The following EPAS1 variants were observed in gnomAD, a reference collection of about 807,000 sequenced individuals.
The protein encoded by EPAS1 is endothelial PAS domain protein 1.
Under a neutral mutation model 87.9 loss-of-function variants are expected in EPAS1, and 23 were observed. That is an observed-to-expected ratio of 0.26 (90% confidence interval 0.19 to 0.37). The LOEUF (loss-of-function observed/expected upper bound fraction) is 0.37. Ranked by LOEUF, EPAS1 falls within the 10% of genes least tolerant of loss-of-function variation. The pLI, the probability that EPAS1 is intolerant of heterozygous loss-of-function variation, is 1.00. For missense variants in EPAS1, 1,138 were observed against 1,120.7 expected (o/e 1.02, Z -0.22); for synonymous variants, 508 against 444.3 (o/e 1.14, Z -1.80).
rs1335834171 is a variant in EPAS1 at position 46,382,827 on chromosome 2, A to AT, written c.2461+229_2461+230insT. 6.6e-5 allele frequency among the ~76,000 whole-genome samples: 10 copies of AT among 151,660 alleles called. No homozygotes were observed. In the South Asian group the frequency reaches 1.7e-3, roughly 25 times the overall value. On this transcript the variant is annotated intron_variant, in intron 15 of 15. Transcript: ENST00000263734. ...GGTGGGTCTGAGACACAGCTAAAAA[A>AT]CTCAAACTCAGGCTAGAATACTGAA...
Position 46,377,805 on chromosome 2 carries a change from G to T in EPAS1, c.1250-89G>T, listed in dbSNP as rs371750783. 4.5e-6 allele frequency: 7 copies of T among 1,550,488 alleles called. No individual in the cohort carries two copies. The South Asian group carries it at 8.4e-5, about 19-fold the overall frequency. On this transcript the variant is annotated intron_variant, in intron 9 of 15. Coordinates refer to ENST00000263734, the MANE Select transcript of EPAS1 (RefSeq NM_001430.5). ...CAGGCATGCCTTCCAGACCCTCTTAGGGCCTTCTCTGCGGTTTTTGGGCCT... is the reference window on the plus strand; with the variant it reads ...CAGGCATGCCTTCCAGACCCTCTTATGGCCTTCTCTGCGGTTTTTGGGCCT...
At chr2:46,368,359 G>A (rs1684548750) in intron 6 of EPAS1, among the ~76,000 whole-genome samples, 1 of 152,164 alleles carries the variant, frequency 6.6e-6, no homozygotes, top group Admixed American at 6.5e-5. Flanking sequence ...ATAGGGAACT[G>A]AGGGGAGAGG....
At chr2:46,356,876 G>T in intron 4 of EPAS1, 68 bp downstream of exon 4, 1 of 1,147,860 alleles carries the variant, frequency 8.7e-7, no homozygotes, top group South Asian at 1.2e-5. Context: ...CTTTGTCTAC[G>T]GGTATAAGGG....
chr2:46,326,642 T>A lies in EPAS1; in HGVS notation c.27-20231T>A, dbSNP rs369553078. On this transcript the variant is annotated intron_variant, in intron 1 of 15. Coordinates refer to ENST00000263734, the MANE Select transcript of EPAS1 (RefSeq NM_001430.5). The stretch of plus-strand genomic sequence containing the variant: ...ATACTTCATTTGTACATATTTGGAG[T>A]TCTATTCACTAAGCACCCACTGTAG... 3.5e-4 allele frequency among the ~76,000 whole-genome samples: 54 copies of A among 152,246 alleles called. No individual in the cohort carries two copies. In the East Asian group the frequency reaches 6.4e-3, roughly 18 times the overall value.
chr2:46,340,070 A>G (rs1683880793), intron 1 of EPAS1, among the ~76,000 whole-genome samples: 1 of 152,176 alleles, frequency 6.6e-6, no homozygotes, highest in Admixed American at 6.5e-5. Flanking sequence ...ACAGTTCATT[A>G]TGATTATTCC....
chr2:46,352,066 G>C (rs950098596), intron 2 of EPAS1, among the ~76,000 whole-genome samples: 2 of 152,212 alleles, frequency 1.3e-5, no homozygotes, highest in African/African-American at 4.8e-5. Flanking sequence ...TGCTCCCCAG[G>C]ACGGGCATGC....
rs1231193823 is a variant in EPAS1, at chr2:46,376,773, G to T, written c.1249+20G>T. 3 of 1,611,434 alleles carry T rather than the reference G, an allele frequency of 1.9e-6. No homozygotes were observed. Among genetic ancestry groups the T allele is most frequent in the South Asian group, 2.2e-5 (2 of 90,964 alleles). On this transcript the variant is annotated intron_variant, in intron 9 of 15. Coordinates refer to ENST00000263734, the MANE Select transcript of EPAS1 (RefSeq NM_001430.5). ...ATTTCGGTGGGTGCTTCTTAGCTAA[G>T]CCAGGCCCCTGGAACCCCGTTGGGG...
chr2:46,381,598 C>A lies in EPAS1; in HGVS notation c.2048C>A (p.Ser683Tyr). 6.2e-7 allele frequency: 1 copy of A among 1,613,976 alleles called. No individual in the cohort carries two copies. Among genetic ancestry groups the A allele is most frequent in the Non-Finnish European group, 8.5e-7 (1 of 1,180,040 alleles). Reference sequence around the variant, plus strand: ...GCCTGCTCTCTCGGGCTTGGCAGGTCTGCAAAGGGTTTTGGGGCTCGAGGC... The same window carrying A: ...GCCTGCTCTCTCGGGCTTGGCAGGTATGCAAAGGGTTTTGGGGCTCGAGGC... ...PPHVSTFKTR[S>Y]AKGFGARGPD... The change falls in exon 13 of 16, where the codon TCT becomes TAT. Residue 683 changes from serine (S) to tyrosine (Y), a missense_variant and splice_region_variant. Coordinates refer to ENST00000263734, the MANE Select transcript of EPAS1 (RefSeq NM_001430.5).
intron 1 of EPAS1, among the ~76,000 whole-genome samples, chr2:46,332,623 G>C (rs1451507823): frequency 6.6e-6 from 1 of 152,164 alleles, no homozygotes; most frequent in East Asian, 1.9e-4. Context: ...AGCCCCACTT[G>C]CTGATCTTTA....
chr2:46,322,466 A>G (rs1246733071), intron 1 of EPAS1, among the ~76,000 whole-genome samples: 6 of 152,160 alleles, frequency 3.9e-5, no homozygotes, highest in Non-Finnish European at 8.8e-5. Flanking sequence ...CCTGGGGCTT[A>G]TTAAAACTCA....
At chr2:46,318,996 T>C (rs965142185) in intron 1 of EPAS1, among the ~76,000 whole-genome samples, 3 of 152,214 alleles carry the variant, frequency 2.0e-5, no homozygotes, top group Admixed American at 1.3e-4. Flanking sequence ...AAACAAGCTA[T>C]AACCAGCCCA....
At chr2:46,356,126 C>T (rs1210015187) in intron 2 of EPAS1, 25 bp from the exon 3 acceptor site, 2 of 1,366,138 alleles carry the variant, frequency 1.5e-6, no homozygotes, top group Non-Finnish European at 2.0e-6. Flanking sequence ...TTCATGCAAG[C>T]TGTCCCACCC....
intron 2 of EPAS1, among the ~76,000 whole-genome samples, chr2:46,353,666 G>A (rs529676267): frequency 7.9e-5 from 12 of 152,150 alleles, no homozygotes; most frequent in Admixed American, 1.3e-4. Flanking sequence ...CAGTGGCATC[G>A]CCCACACCTG....
rs557184790 is a variant in EPAS1 at position 46,360,728 on chromosome 2, C to T, written c.545C>T (p.Thr182Ile). The change falls in exon 5 of 16, where the codon ACT becomes ATT. Residue 182 changes from threonine to isoleucine, a missense_variant. Around this residue, in one of 4 missense-constraint regions of EPAS1, gnomAD observed 351 missense variants for 417.1 expected, o/e 0.84. Transcript: ENST00000263734. The surrounding 1 kb of genome is among the most constrained non-coding windows in gnomAD (Gnocchi z 4.5). ...MKCTVTNRGR[T>I]VNLKSATWKV... ...TGCACGGTCACCAACAGAGGCCGTA[C>T]TGTCAACCTCAAGTCAGCCACCTGG... 7.4e-6 allele frequency: 12 copies of T among 1,613,954 alleles called. No homozygotes were observed. The highest frequency in any genetic ancestry group is 1.0e-5 in the Non-Finnish European group (12 of 1,180,038).
At position 46,380,274 on chromosome 2, in the gene EPAS1, C is replaced by T. The variant is rs1009934627; in HGVS notation, c.1602C>T (p.Pro534=). The T allele has an allele frequency of 1.2e-6, 2 of 1,613,918 alleles. No homozygotes were observed. The highest frequency in any genetic ancestry group is 1.7e-5 in the Admixed American group (1 of 60,026). ...LDLETLAPYI[P]MDGEDFQLSP... is the part of the protein sequence containing the mutation. ...TGGAGACACTGGCACCCTATATCCC[C>T]ATGGACGGGGAAGACTTCCAGCTAA... Residue 534 remains proline, a synonymous_variant, in exon 12 of 16, where the codon CCC becomes CCT. Coordinates refer to ENST00000263734, the MANE Select transcript of EPAS1 (RefSeq NM_001430.5). The surrounding 1 kb of genome is among the most constrained non-coding windows in gnomAD (Gnocchi z 4.4).
chr2:46,382,652 G>A, intron 15 of EPAS1, 54 bp downstream of exon 15: 1 of 1,607,422 alleles, frequency 6.2e-7, no homozygotes, highest in Non-Finnish European at 8.5e-7. Flanking sequence ...GCCAGGGGAA[G>A]CCCACGTCTA....
At position 46,346,813 on chromosome 2, in the gene EPAS1, C is replaced by T; in HGVS notation, c.27-60C>T. The T allele has an allele frequency of 2.5e-6, 4 of 1,588,766 alleles. No homozygotes were observed. The highest frequency in any genetic ancestry group is 3.4e-6 in the Non-Finnish European group (4 of 1,162,502). On this transcript the variant is annotated intron_variant, in intron 1 of 15. Coordinates refer to ENST00000263734, the MANE Select transcript of EPAS1 (RefSeq NM_001430.5). This position sits in a 1 kb window ranked among gnomAD's most constrained non-coding sequence, Gnocchi z 4.0. Reference sequence around the variant, plus strand: ...GGTTGGGGCCATGGGGATGTCCTGGCCAGAGGTATGATAGGCTGACAGTAA... The same window carrying T: ...GGTTGGGGCCATGGGGATGTCCTGGTCAGAGGTATGATAGGCTGACAGTAA...
intron 1 of EPAS1, among the ~76,000 whole-genome samples, chr2:46,331,567 G>C (rs1229517650): frequency 4.6e-5 from 7 of 152,226 alleles, no homozygotes; most frequent in African/African-American, 1.7e-4. Flanking sequence ...AAGAACAGAT[G>C]CATTTGTCAG....
At chr2:46,348,481 A>G (rs1684082762) in intron 2 of EPAS1, among the ~76,000 whole-genome samples, 1 of 152,238 alleles carries the variant, frequency 6.6e-6, no homozygotes, top group Non-Finnish European at 1.5e-5. Flanking sequence ...TCATCTTTAC[A>G]TAAAAAGAGT....
Sources: gnomAD v4.1 joint callset for allele counts (sites outside exome capture counted in the v4.1 genomes callset) on GRCh38, gnomAD v4.1.1 for gene constraint, gnomAD v4.1.1 regional missense constraint, Gnocchi (gnomAD v3.1) non-coding constraint, MANE v1.5 for transcripts, NCBI Gene and HGNC (gene_info 2026-07-23, HGNC 2026-07-21) for gene names.